The following TNIK variants were observed in gnomAD, a reference collection of about 807,000 sequenced individuals.
TNIK encodes the protein TRAF2 and NCK interacting kinase.
A neutral mutation model predicts 191.3 loss-of-function variants in TNIK; 49 were observed. The observed-to-expected ratio is 0.26, with a 90% confidence interval of 0.20 to 0.32. TNIK has a LOEUF of 0.32. TNIK is among the 10% of genes least tolerant of loss of function. The pLI, the probability that TNIK is intolerant of heterozygous loss-of-function variation, is 1.00. For missense variants in TNIK, 1,155 were observed against 1,702.3 expected (o/e 0.68, Z 5.66); for synonymous variants, 594 against 600.9 (o/e 0.99, Z 0.17).
At chr3:171,108,494 A>AT (rs1359824387) in intron 19 of TNIK, among the ~76,000 whole-genome samples, 1 of 152,198 alleles carries the variant, frequency 6.6e-6, no homozygotes, top group African/African-American at 2.4e-5. Context: ...ACCCAATGAT[A>AT]TGGCACTATT....
chr3:171,348,763 C>T (rs1486934540), intron 2 of TNIK, among the ~76,000 whole-genome samples: 2 of 152,046 alleles, frequency 1.3e-5, no homozygotes, highest in Admixed American at 6.6e-5. Flanking sequence ...TTGAGTCCCT[C>T]TCCTCTGCTA....
At chr3:171,363,382 G>A (rs746639975) in intron 2 of TNIK, among the ~76,000 whole-genome samples, 112 of 152,258 alleles carry the variant, frequency 7.4e-4, no homozygotes, top group Non-Finnish European at 1.4e-3. Flanking sequence ...ATCTGATTAC[G>A]CACTTCTTAA....
At chr3:171,160,493 G>A (rs1225225187) in intron 11 of TNIK, among the ~76,000 whole-genome samples, 1 of 151,342 alleles carries the variant, frequency 6.6e-6, no homozygotes, top group East Asian at 1.9e-4. Flanking sequence ...TCTTCTGCTT[G>A]TGCAATTCCC....
intron 21 of TNIK, among the ~76,000 whole-genome samples, chr3:171,105,325 T>C (rs1161229431): frequency 6.6e-6 from 1 of 152,118 alleles, no homozygotes; most frequent in Admixed American, 6.5e-5. Flanking sequence ...CCACGGGATG[T>C]TTGGCAGCAG....
At chr3:171,106,003 A>G (rs1475484260) in intron 21 of TNIK, among the ~76,000 whole-genome samples, 3 of 152,096 alleles carry the variant, frequency 2.0e-5, no homozygotes, top group Non-Finnish European at 4.4e-5. Context: ...CCATCCACAC[A>G]CCGCAAACAT....
chr3:171,123,773 CT>C, intron 17 of TNIK, 71 bp from the exon 18 acceptor site: 1 of 1,175,652 alleles, frequency 8.5e-7, no homozygotes, highest in Non-Finnish European at 1.2e-6. Flanking sequence ...GAAAATCCTC[CT>C]TTCCAATGAT....
chr3:171,334,515 T>TTGCCC (rs992660744), intron 2 of TNIK, among the ~76,000 whole-genome samples: 19 of 152,194 alleles, frequency 1.2e-4, no homozygotes, highest in African/African-American at 4.6e-4. Context: ...CAGCAATGGC[T>TTGCCC]TGCCCTGCCA....
intron 10 of TNIK, among the ~76,000 whole-genome samples, chr3:171,164,193 A>G (rs908711643): frequency 2.0e-5 from 3 of 152,234 alleles, no homozygotes; most frequent in African/African-American, 7.2e-5. Context: ...CACTCTGCAG[A>G]GAACAAACAC....
intron 4 of TNIK, among the ~76,000 whole-genome samples, chr3:171,208,090 G>A (rs1267926415): frequency 1.3e-5 from 2 of 152,106 alleles, no homozygotes; most frequent in African/African-American, 4.8e-5. Flanking sequence ...CAGTACTTTG[G>A]GAGGCCAAGG....
At chr3:171,106,625 C>T (rs775936691) in intron 21 of TNIK, 8 of 521,742 alleles carry the variant, frequency 1.5e-5, no homozygotes, top group South Asian at 1.1e-4. Flanking sequence ...CTGACAAAGC[C>T]ATATATTTTT....
At chr3:171,232,294 G>A (rs1389412029) in intron 2 of TNIK, among the ~76,000 whole-genome samples, 1 of 151,106 alleles carries the variant, frequency 6.6e-6, no homozygotes, top group Non-Finnish European at 1.5e-5. Context: ...AGGCTGGCCT[G>A]AGAAACACAG....
At chr3:171,278,633 AG>A (rs1560362886) in intron 2 of TNIK, among the ~76,000 whole-genome samples, 2 of 152,224 alleles carry the variant, frequency 1.3e-5, no homozygotes, top group Non-Finnish European at 1.5e-5. Context: ...TAGGAAAGTA[AG>A]TGATAGTCTG....
intron 1 of TNIK, among the ~76,000 whole-genome samples, chr3:171,434,369 T>C (rs1242025366): frequency 1.3e-5 from 2 of 152,246 alleles, no homozygotes; most frequent in African/African-American, 4.8e-5. Context: ...TATCTTTAGT[T>C]GATTCTCTAA....
rs575392935 is a variant in TNIK at position 171,420,074 on chromosome 3, C to T, written c.57+39933G>A. On this transcript the variant is annotated intron_variant, in intron 1 of 32. Coordinates refer to ENST00000436636, the MANE Select transcript of TNIK (RefSeq NM_015028.4). ...CCAAGTGATCAAACTATTTCATGCC[C>T]GGAGCTGACAGTCAATATTTGCTGA... Among the ~76,000 whole-genome samples the T allele has an allele frequency of 5.3e-5, 8 of 152,244 alleles. No homozygotes were observed. In the East Asian group the frequency reaches 7.7e-4, roughly 15 times the overall value.
At position 171,140,415 on chromosome 3, in the gene TNIK, C is replaced by T. The variant is rs760573200; in HGVS notation, c.1316G>A (p.Arg439His). Residue 439 changes from arginine (R) to histidine (H), a missense_variant, in exon 13 of 33, where the codon CGT (arginine) becomes CAT (histidine). This residue lies in a region of TNIK where 735 missense variants were observed against 848.0 expected (regional missense o/e 0.87). Coordinates refer to ENST00000436636, the MANE Select transcript of TNIK (RefSeq NM_015028.4). ...EQMRREEERR[R>H]AEHEQEYIRR... The stretch of plus-strand genomic sequence containing the variant: ...CAGCTGTACCTGTTCATGCTCCGCA[C>T]GCCTCCTCTCCTCCTCCCGGCGCAT... The T allele has an allele frequency of 2.8e-5, 45 of 1,600,930 alleles. No homozygotes were observed. The highest frequency in any genetic ancestry group is 4.5e-5 in the South Asian group (4 of 89,196).
Position 171,266,057 on chromosome 3 carries a change from C to T in TNIK, c.124-37836G>A, listed in dbSNP as rs545545440. 1.2e-4 allele frequency among the ~76,000 whole-genome samples: 18 copies of T among 150,902 alleles called. No individual in the cohort carries two copies. The South Asian group carries it at 1.3e-3, about 11-fold the overall frequency. ...AAAGGTGGCAGATGTAAATGCGGCA[C>T]GGGCCCAGGAAGCTGTCAGGGTTGA... On this transcript the variant is annotated intron_variant, in intron 2 of 32. Coordinates refer to ENST00000436636, the MANE Select transcript of TNIK (RefSeq NM_015028.4).
chr3:171,130,617 G>A (rs1020989011), intron 15 of TNIK, among the ~76,000 whole-genome samples: 1 of 152,196 alleles, frequency 6.6e-6, no homozygotes, highest in Non-Finnish European at 1.5e-5. Context: ...GATAAACTGA[G>A]ATCAAGGCAT....
At chr3:171,268,228 G>A (rs750900498) in intron 2 of TNIK, among the ~76,000 whole-genome samples, 12 of 152,068 alleles carry the variant, frequency 7.9e-5, no homozygotes, top group Non-Finnish European at 1.3e-4. Flanking sequence ...TTGGACTTCC[G>A]TGTGTGTCTT....
chr3:171,143,096 T>G (rs1364748124), intron 12 of TNIK, among the ~76,000 whole-genome samples: 1 of 152,132 alleles, frequency 6.6e-6, no homozygotes, highest in Non-Finnish European at 1.5e-5. Context: ...CACTCAAAAG[T>G]AACTAATAAT....
Sources: gnomAD v4.1 joint callset for allele counts (sites outside exome capture counted in the v4.1 genomes callset) on GRCh38, gnomAD v4.1.1 for gene constraint, gnomAD v4.1.1 regional missense constraint, MANE v1.5 for transcripts, NCBI Gene and HGNC (gene_info 2026-07-23, HGNC 2026-07-21) for gene names.